Variants in PIK3C3 observed in about 807,000 individuals in gnomAD.
The protein encoded by PIK3C3 is PI3-kinase type 3.
Under a neutral mutation model 126.1 loss-of-function variants are expected in PIK3C3, and 95 were observed. The ratio of observed to expected loss-of-function variants is 0.75; its 90% CI spans 0.64 to 0.89. The LOEUF is 0.89. PIK3C3 is among the 40% of genes least tolerant of loss of function. The pLI, the probability that PIK3C3 is intolerant of heterozygous loss-of-function variation, is 0.00. For missense variants in PIK3C3, 829 were observed against 1,063.2 expected (o/e 0.78, Z 3.06); for synonymous variants, 374 against 360.0 (o/e 1.04, Z -0.44).
chr18:42,064,164 C>T (rs1178976710), intron 22 of PIK3C3, among the ~76,000 whole-genome samples: 5 of 152,162 alleles, frequency 3.3e-5, no homozygotes. Context: ...ATTTAGATAT[C>T]TTGCCCATTT....
chr18:42,019,603 T>C (rs1202196693), intron 12 of PIK3C3, among the ~76,000 whole-genome samples: 1 of 152,140 alleles, frequency 6.6e-6, no homozygotes, highest in Non-Finnish European at 1.5e-5. Flanking sequence ...GTCAGCACTT[T>C]CCTCTCTCCT....
intron 24 of PIK3C3, among the ~76,000 whole-genome samples, chr18:42,080,840 A>G (rs1296136356): frequency 1.3e-5 from 2 of 152,154 alleles, no homozygotes; most frequent in South Asian, 4.1e-4. Flanking sequence ...CTAGTGCTGG[A>G]TGAGATGATT....
At chr18:42,077,433 A>G (rs1986072940) in intron 24 of PIK3C3, among the ~76,000 whole-genome samples, 1 of 152,230 alleles carries the variant, frequency 6.6e-6, no homozygotes, top group Non-Finnish European at 1.5e-5. Flanking sequence ...CTGTTGCTTT[A>G]TCAACTAAAT....
At chr18:42,068,969 GAAAT>G (rs1416185483) in intron 24 of PIK3C3, among the ~76,000 whole-genome samples, 1 of 132,796 alleles carries the variant, frequency 7.5e-6, no homozygotes, top group African/African-American at 2.7e-5. Flanking sequence ...AAAAAAAAAA[GAAAT>G]AGATATTTAG....
intron 22 of PIK3C3, among the ~76,000 whole-genome samples, chr18:42,062,793 A>G (rs1360482054): frequency 1.3e-5 from 2 of 152,062 alleles, no homozygotes; most frequent in Admixed American, 1.3e-4. Context: ...GAAATTCTTG[A>G]ATCCCTGCCT....
At chr18:41,987,747 A>G (rs1981560780) in intron 4 of PIK3C3, 65 bp from the exon 5 acceptor site, 1 of 999,720 alleles carries the variant, frequency 1.0e-6, no homozygotes. Context: ...TGCCATTCTG[A>G]CATTTTTGGT....
chr18:42,011,666 T>G (rs531523854), intron 10 of PIK3C3, among the ~76,000 whole-genome samples: 1 of 152,204 alleles, frequency 6.6e-6, no homozygotes, highest in Non-Finnish European at 1.5e-5. Context: ...CAAGAACTTT[T>G]CCTTTGCATT....
intron 6 of PIK3C3, among the ~76,000 whole-genome samples, chr18:41,990,993 T>C (rs633541): frequency 0.081 from 12,283 of 152,198 alleles, 1,627 homozygotes; most frequent in African/African-American, 0.28. Flanking sequence ...AGTATACTTA[T>C]GAAATACTTC....
intron 4 of PIK3C3, 67 bp downstream of exon 4, chr18:41,970,523 A>C: frequency 7.6e-7 from 1 of 1,320,684 alleles, no homozygotes; most frequent in Non-Finnish European, 1.1e-6. Context: ...ATATACCTTG[A>C]CATTATGAAC....
At chr18:42,049,162 C>T (rs1258691075) in intron 20 of PIK3C3, 1 of 158,274 alleles carries the variant, frequency 6.3e-6, no homozygotes, top group Non-Finnish European at 1.4e-5. Context: ...CCTGCATTTA[C>T]TTATGTTATC....
chr18:42,052,841 A>G (rs1042556975), intron 21 of PIK3C3: 4 of 152,294 alleles, frequency 2.6e-5, no homozygotes, highest in East Asian at 1.9e-4. Flanking sequence ...ATGCCTTCAA[A>G]TTGAAAACTT....
At chr18:42,077,206 A>C (rs1986065099) in intron 24 of PIK3C3, among the ~76,000 whole-genome samples, 2 of 152,214 alleles carry the variant, frequency 1.3e-5, no homozygotes, top group Non-Finnish European at 2.9e-5. Context: ...AGTGAGTTGT[A>C]ATCTTTTTGC....
intron 21 of PIK3C3, among the ~76,000 whole-genome samples, chr18:42,056,147 TA>T (rs1298001951): frequency 2.0e-5 from 3 of 151,796 alleles, no homozygotes; most frequent in South Asian, 2.1e-4. Flanking sequence ...ATATTAACTT[TA>T]AAAAAAACAT....
At chr18:42,009,681 TTATGTAATG>T (rs1366614151) in intron 10 of PIK3C3, among the ~76,000 whole-genome samples, 4 of 147,216 alleles carry the variant, frequency 2.7e-5, no homozygotes, top group Admixed American at 6.7e-5. Context: ...AATGCTTACA[TTATGTAATG>T]TACATTATGT....
At chr18:41,958,727 ATATGTGTG>A (rs1979923356) in intron 2 of PIK3C3, among the ~76,000 whole-genome samples, 1 of 152,134 alleles carries the variant, frequency 6.6e-6, no homozygotes, top group Non-Finnish European at 1.5e-5. Context: ...ATGTATATAG[ATATGTGTG>A]TATGTGTATG....
chr18:42,033,729 C>T (rs576441210), intron 15 of PIK3C3, 97 bp from the exon 16 acceptor site: 1 of 875,846 alleles, frequency 1.1e-6, no homozygotes, highest in Admixed American at 3.3e-5. Flanking sequence ...TTTGCAAATA[C>T]TTTTAAGTTA....
chr18:41,995,627 A>C (rs759202316), intron 7 of PIK3C3, among the ~76,000 whole-genome samples: 1 of 152,152 alleles, frequency 6.6e-6, no homozygotes, highest in Non-Finnish European at 1.5e-5. Flanking sequence ...GAAACCTTGA[A>C]TATGTGGAGA....
intron 22 of PIK3C3, among the ~76,000 whole-genome samples, chr18:42,058,744 G>A (rs942008765): frequency 6.6e-6 from 1 of 152,122 alleles, no homozygotes; most frequent in Non-Finnish European, 1.5e-5. Context: ...ATGTCATCAG[G>A]AAGAAAAATA....
intron 18 of PIK3C3, among the ~76,000 whole-genome samples, chr18:42,040,156 CTTTT>C (rs55821466): frequency 6.6e-4 from 73 of 110,528 alleles, no homozygotes; most frequent in Admixed American, 1.0e-3. Flanking sequence ...GTCCCCTTTC[CTTTT>C]TTTTTTTTTT....
Sources: gnomAD v4.1 joint callset for allele counts (sites outside exome capture counted in the v4.1 genomes callset) on GRCh38, gnomAD v4.1.1 for gene constraint, MANE v1.5 for transcripts, NCBI Gene and HGNC (gene_info 2026-07-23, HGNC 2026-07-21) for gene names.